The following NRG1 variants were observed in gnomAD, a reference collection of about 807,000 sequenced individuals.
The protein encoded by NRG1 is pro-neuregulin-1, membrane-bound isoform.
A neutral mutation model predicts 63.8 loss-of-function variants in NRG1; 18 were observed. The ratio of observed to expected loss-of-function variants is 0.28; its 90% CI spans 0.19 to 0.42. The LOEUF is 0.42. Ranked by LOEUF, NRG1 falls within the 10% of genes least tolerant of loss-of-function variation. The probability of loss-of-function intolerance (pLI) is 1.00; values close to 1 mark genes in which losing one functional copy is unlikely to be tolerated. For synonymous variants in NRG1, 302 were observed against 301.3 expected (o/e 1.00, Z -0.02); for missense variants, 762 against 814.7 (o/e 0.94, Z 0.79).
intron 5 of NRG1, among the ~76,000 whole-genome samples, chr8:32,686,173 G>A (rs1197358802): frequency 6.6e-6 from 1 of 152,072 alleles, no homozygotes; most frequent in Non-Finnish European, 1.5e-5. Context: ...GCAAATGCAA[G>A]TTACCAATAT....
chr8:32,075,651 C>CTTTT (rs200354474), intron 1 of NRG1, among the ~76,000 whole-genome samples: 1 of 150,296 alleles, frequency 6.7e-6, no homozygotes, highest in African/African-American at 2.5e-5. Flanking sequence ...ATATTTTAAC[C>CTTTT]TTTTTTTTTT....
chr8:32,355,489 G>C (rs973983869), intron 1 of NRG1, among the ~76,000 whole-genome samples: 7 of 152,114 alleles, frequency 4.6e-5, no homozygotes, highest in African/African-American at 1.7e-4. Context: ...TAGCAAAGGG[G>C]ATAATATTTG....
At chr8:32,300,829 T>G (rs1210012317) in intron 1 of NRG1, among the ~76,000 whole-genome samples, 3 of 152,212 alleles carry the variant, frequency 2.0e-5, no homozygotes, top group Non-Finnish European at 4.4e-5. Flanking sequence ...AATTGTATGG[T>G]TGTATATTCT....
Position 32,631,394 on chromosome 8 carries a change from A to G in NRG1, c.502+14509A>G, listed in dbSNP as rs1467719412. On this transcript the variant is annotated intron_variant, in intron 5 of 11. Transcript: ENST00000356819. ...ATTTTATTTGGCAGGGATCCCTTCT[A>G]TCTCATCTTCTAATGCACTGGCAAT... Among the ~76,000 whole-genome samples the G allele has an allele frequency of 2.6e-5, 4 of 152,138 alleles. No homozygotes were observed. In the South Asian group the frequency reaches 6.2e-4, roughly 24 times the overall value.
At chr8:32,434,633 T>C (rs953878338) in intron 1 of NRG1, among the ~76,000 whole-genome samples, 2 of 152,056 alleles carry the variant, frequency 1.3e-5, no homozygotes, top group Non-Finnish European at 2.9e-5. Context: ...GCCCAGAGCC[T>C]CCATTCCAGG....
chr8:31,810,453 T>A (rs1463989271), intron 1 of NRG1, among the ~76,000 whole-genome samples: 1 of 152,156 alleles, frequency 6.6e-6, no homozygotes, highest in African/African-American at 2.4e-5. Flanking sequence ...TGTTCTATAA[T>A]TTCTATAATG....
chr8:32,646,725 G>A, intron 5 of NRG1: 1 of 985,338 alleles, frequency 1.0e-6, no homozygotes, highest in Non-Finnish European at 1.2e-6. Flanking sequence ...GGGGGCCATG[G>A]GGACTAGGCT....
At chr8:31,830,116 G>C (rs914893021) in intron 1 of NRG1, among the ~76,000 whole-genome samples, 5 of 152,080 alleles carry the variant, frequency 3.3e-5, no homozygotes, top group African/African-American at 1.2e-4. Context: ...CTTTAGCTGA[G>C]AGTATTATCA....
chr8:31,889,296 C>T lies in NRG1; in HGVS notation c.37+249865C>T, dbSNP rs147469010. ...TGATGCCCCTTTTCTAAGATTATTT[C>T]GTAGGTATATCCTTTAATGAGAGAA... On this transcript the variant is annotated intron_variant, in intron 1 of 10. Coordinates refer to the NRG1 transcript ENST00000519301. Among the ~76,000 whole-genome samples, 325 of 152,170 alleles carry T rather than the reference C, an allele frequency of 2.1e-3. 1 individual carries two copies. Among genetic ancestry groups the T allele is most frequent in the African/African-American group, 7.5e-3 (310 of 41,516 alleles).
chr8:32,042,679 A>C (rs1820258052), intron 1 of NRG1, among the ~76,000 whole-genome samples: 1 of 152,142 alleles, frequency 6.6e-6, no homozygotes, highest in South Asian at 2.1e-4. Context: ...TGAAAGGAAG[A>C]AGGTCTCAAC....
intron 1 of NRG1, among the ~76,000 whole-genome samples, chr8:31,976,943 ATTAC>A (rs376298547): frequency 6.6e-6 from 1 of 152,306 alleles, no homozygotes; most frequent in Non-Finnish European, 1.5e-5. Context: ...GAGACATATT[ATTAC>A]TTATGAAGAT....
chr8:32,108,472 C>A (rs564866204), intron 1 of NRG1, among the ~76,000 whole-genome samples: 1 of 152,142 alleles, frequency 6.6e-6, no homozygotes, highest in African/African-American at 2.4e-5. Context: ...AGGCCTTAAT[C>A]GCATTCGTGA....
intron 1 of NRG1, among the ~76,000 whole-genome samples, chr8:31,882,735 AC>A (rs1443259418): frequency 2.6e-5 from 4 of 152,134 alleles, no homozygotes; most frequent in Non-Finnish European, 4.4e-5. Context: ...GGAGTTCAAG[AC>A]TTCAGTGGAG....
chr8:32,275,553 G>T (rs1325231044), intron 1 of NRG1, among the ~76,000 whole-genome samples: 3 of 152,112 alleles, frequency 2.0e-5, no homozygotes, highest in African/African-American at 7.2e-5. Flanking sequence ...GGATGAAAGA[G>T]CAAAATCCCT....
chr8:31,958,994 T>C (rs1409187345), intron 1 of NRG1, among the ~76,000 whole-genome samples: 2 of 152,176 alleles, frequency 1.3e-5, no homozygotes, highest in Non-Finnish European at 2.9e-5. Context: ...ATCTGTGACT[T>C]TGGAAATCAC....
intron 1 of NRG1, among the ~76,000 whole-genome samples, chr8:32,138,253 A>G (rs1476128457): frequency 6.6e-6 from 1 of 152,048 alleles, no homozygotes; most frequent in East Asian, 1.9e-4. Context: ...AATAAATAGA[A>G]TATATCATTG....
chr8:32,200,970 A>C (rs1265208391), intron 1 of NRG1, among the ~76,000 whole-genome samples: 1 of 152,020 alleles, frequency 6.6e-6, no homozygotes, highest in Non-Finnish European at 1.5e-5. Context: ...CAGACTTCCA[A>C]CTCTTGTTTC....
intron 1 of NRG1, among the ~76,000 whole-genome samples, chr8:32,276,622 AG>A (rs1852125873): frequency 6.6e-6 from 1 of 152,142 alleles, no homozygotes; most frequent in African/African-American, 2.4e-5. Flanking sequence ...CTTCTGCCTG[AG>A]CCTACTGAGT....
chr8:32,529,981 G>A (rs1022686462), intron 1 of NRG1, among the ~76,000 whole-genome samples: 7 of 152,120 alleles, frequency 4.6e-5, no homozygotes, highest in Non-Finnish European at 7.3e-5. Flanking sequence ...ATAATTGCAC[G>A]GACTAGCCCT....
Sources: allele counts gnomAD v4.1 joint callset (sites outside exome capture counted in the v4.1 genomes callset), GRCh38; gene constraint gnomAD v4.1.1; transcripts MANE v1.5; gene names NCBI Gene and HGNC (gene_info 2026-07-23, HGNC 2026-07-21).